SORCS1: variants seen among roughly 807,000 people sequenced by gnomAD.
The protein encoded by SORCS1 is VPS10 domain-containing receptor SorCS1.
Under a neutral mutation model 146.1 loss-of-function variants are expected in SORCS1, and 60 were observed. That is an observed-to-expected ratio of 0.41 (90% CI 0.33 to 0.51). The LOEUF is 0.51. Among genes scored for constraint, SORCS1 ranks in the 20% least tolerant of loss-of-function variants. The pLI is 0.21. For synonymous variants in SORCS1, 637 were observed against 584.0 expected, an observed-to-expected ratio of 1.09 and a Z score of -1.31; for missense variants, 1,352 against 1,487.6, an observed-to-expected ratio of 0.91 and a Z score of 1.50.
chr10:106,783,790 G>C (rs1273700533), intron 3 of SORCS1, among the ~76,000 whole-genome samples: 1 of 152,148 alleles, frequency 6.6e-6, no homozygotes, highest in Non-Finnish European at 1.5e-5. Flanking sequence ...CCGTAGATTG[G>C]ATTTTATGCT....
intron 3 of SORCS1, among the ~76,000 whole-genome samples, chr10:106,828,392 G>A (rs192963031): frequency 1.6e-3 from 251 of 152,282 alleles, no homozygotes; most frequent in Admixed American, 4.2e-3. Context: ...CTAATCCAGA[G>A]CAACAGTGGT....
chr10:107,059,769 A>G (rs1960999145), intron 1 of SORCS1, among the ~76,000 whole-genome samples: 1 of 152,086 alleles, frequency 6.6e-6, no homozygotes, highest in South Asian at 2.1e-4. Flanking sequence ...GGGACCTCAG[A>G]AGTCCGTCTG....
chr10:106,679,849 C>T (rs555598434), intron 10 of SORCS1, 115 bp from the exon 11 acceptor site: 10 of 754,894 alleles, frequency 1.3e-5, no homozygotes, highest in South Asian at 1.2e-4. Context: ...TACATCCATG[C>T]ACCACTCCAA....
chr10:106,950,745 A>C (rs1954636642), intron 2 of SORCS1, among the ~76,000 whole-genome samples: 1 of 152,168 alleles, frequency 6.6e-6, no homozygotes. Flanking sequence ...ATAAGCAATG[A>C]ACGTATGGAG....
intron 5 of SORCS1, among the ~76,000 whole-genome samples, chr10:106,748,200 C>G (rs1857888072): frequency 6.6e-6 from 1 of 152,038 alleles, no homozygotes; most frequent in African/African-American, 2.4e-5. Flanking sequence ...TTGTGGCAGC[C>G]CTTCATGCAG....
At chr10:107,154,616 G>T (rs1005011912) in intron 1 of SORCS1, among the ~76,000 whole-genome samples, 54 of 152,130 alleles carry the variant, frequency 3.5e-4, no homozygotes, top group Non-Finnish European at 6.6e-4. Context: ...TGACAGGGAT[G>T]CTAAGAAGAT....
intron 6 of SORCS1, among the ~76,000 whole-genome samples, chr10:106,726,863 G>A (rs1221606642): frequency 6.6e-6 from 1 of 152,086 alleles, no homozygotes; most frequent in African/African-American, 2.4e-5. Context: ...GAGACGGGCG[G>A]ATCACGAGGT....
At chr10:106,593,408 TAAG>T (rs1392135038) in intron 24 of SORCS1, among the ~76,000 whole-genome samples, 1 of 152,214 alleles carries the variant, frequency 6.6e-6, no homozygotes, top group African/African-American at 2.4e-5. Context: ...GTCTTTTGCA[TAAG>T]AAAATCGAGC....
rs544185328 is a variant in SORCS1 at position 107,087,032 on chromosome 10, C to A, written c.558+76937G>T. Reference sequence around the variant, plus strand: ...AACAGAGCGTGACTTCGTCTCAAAACAAACAAACAAACAAAAACAAAATAC... The same window carrying A: ...AACAGAGCGTGACTTCGTCTCAAAAAAAACAAACAAACAAAAACAAAATAC... On this transcript the variant is annotated intron_variant, in intron 1 of 25. Coordinates refer to ENST00000263054, the MANE Select transcript of SORCS1 (RefSeq NM_052918.5). Among the ~76,000 whole-genome samples, 50 of 152,188 alleles carry A rather than the reference C, an allele frequency of 3.3e-4. 1 individual carries two copies. In the South Asian group the frequency reaches 0.01, roughly 32 times the overall value.
rs1414063210 is a variant in SORCS1 at position 106,762,573 on chromosome 10, A to G, written c.886-912T>C. 1.4e-5 allele frequency among the ~76,000 whole-genome samples: 2 copies of G among 147,220 alleles called. 1 individual carries two copies. Among genetic ancestry groups the G allele is most frequent in the South Asian group, 4.4e-4 (2 of 4,590 alleles). On this transcript the variant is annotated intron_variant, in intron 4 of 25. Transcript: ENST00000263054. ...AAGCCCGGCTAATTTTTTTTTTTGT[A>G]TTTTTAGTAGAGATGGGGTTTCACC...
Position 107,164,249 on chromosome 10 carries a change from C to T in SORCS1, c.278G>A (p.Arg93Gln), listed in dbSNP as rs761794885. Residue 93 changes from arginine to glutamine, a missense_variant, in exon 1 of 26, where the codon CGG becomes CAG. Arg to Gln is a conservative substitution (Grantham distance 43). Coordinates refer to ENST00000263054, the MANE Select transcript of SORCS1 (RefSeq NM_052918.5). The surrounding 1 kb of genome is among the most constrained non-coding windows in gnomAD (Gnocchi z 6.8). ...GDRALSLERA[R>Q]GTGASMAVAA... is the part of the protein sequence containing the mutation. ...AACCGCCATGGATGCCCCAGTGCCCCGAGCCCGCTCCAGGGATAGCGCTCG... is the reference window on the plus strand; with the variant it reads ...AACCGCCATGGATGCCCCAGTGCCCTGAGCCCGCTCCAGGGATAGCGCTCG... The T allele has an allele frequency of 1.2e-6, 2 of 1,606,008 alleles. No individual in the cohort carries two copies. Among genetic ancestry groups the T allele is most frequent in the Non-Finnish European group, 8.5e-7 (1 of 1,179,540 alleles).
chr10:106,605,752 A>T (rs1846529656), intron 23 of SORCS1, among the ~76,000 whole-genome samples: 1 of 152,198 alleles, frequency 6.6e-6, no homozygotes, highest in Admixed American at 6.5e-5. Context: ...AATGGGGTTC[A>T]ACAGGGCTTT....
intron 9 of SORCS1, among the ~76,000 whole-genome samples, chr10:106,698,753 C>G (rs1368102587): frequency 1.3e-5 from 2 of 152,202 alleles, no homozygotes; most frequent in African/African-American, 4.8e-5. Context: ...GCCAAGGGAG[C>G]TTATTTAACC....
At chr10:107,148,834 C>T (rs1007322703) in intron 1 of SORCS1, among the ~76,000 whole-genome samples, 2 of 152,178 alleles carry the variant, frequency 1.3e-5, no homozygotes, top group Non-Finnish European at 2.9e-5. Context: ...GAGCTAATTC[C>T]TACTCTCTGG....
rs1369304184 is a variant in SORCS1, at chr10:106,620,551, C to T, written c.2673G>A (p.Glu891=). Residue 891 remains glutamate (E), a synonymous_variant, in exon 20 of 26, where the codon GAG becomes GAA. Transcript: ENST00000263054. ...VLYLHVTCPL[E]HVHLSLPFVT... is the part of the protein sequence containing the mutation. Reference sequence around the variant, plus strand: ...CAAAGGGAAGAGACAGGTGCACGTGCTCCAAGGGACCTGAGGCACAAGAGA... The same window carrying T: ...CAAAGGGAAGAGACAGGTGCACGTGTTCCAAGGGACCTGAGGCACAAGAGA... 2 of 1,613,826 alleles carry T rather than the reference C, an allele frequency of 1.2e-6. No homozygotes were observed. Among genetic ancestry groups the T allele is most frequent in the Non-Finnish European group, 1.7e-6 (2 of 1,179,802 alleles).
intron 6 of SORCS1, among the ~76,000 whole-genome samples, chr10:106,721,812 A>G (rs1855799214): frequency 6.6e-6 from 1 of 152,224 alleles, no homozygotes; most frequent in African/African-American, 2.4e-5. Flanking sequence ...ATATGTGTGT[A>G]TGTGTATATA....
intron 2 of SORCS1, among the ~76,000 whole-genome samples, chr10:106,887,153 ATTGT>A (rs773745536): frequency 2.0e-5 from 3 of 152,230 alleles, no homozygotes; most frequent in Non-Finnish European, 2.9e-5. Context: ...ATATTAATAT[ATTGT>A]TTAACAACTG....
intron 1 of SORCS1, among the ~76,000 whole-genome samples, chr10:107,062,969 C>T (rs1360247932): frequency 6.6e-6 from 1 of 152,078 alleles, no homozygotes; most frequent in Non-Finnish European, 1.5e-5. Context: ...TCTATAAAGC[C>T]AGACAATCAG....
chr10:106,894,856 A>T (rs1951404008), intron 2 of SORCS1, among the ~76,000 whole-genome samples: 1 of 152,242 alleles, frequency 6.6e-6, no homozygotes, highest in South Asian at 2.1e-4. Context: ...AATCTTGAGT[A>T]AACAGTTTTG....
Sources: allele counts gnomAD v4.1 joint callset (sites outside exome capture counted in the v4.1 genomes callset), GRCh38; gene constraint gnomAD v4.1.1; non-coding constraint Gnocchi (gnomAD v3.1); transcripts MANE v1.5; gene names NCBI Gene and HGNC (gene_info 2026-07-23, HGNC 2026-07-21).